INO80: variants seen among roughly 807,000 people sequenced by gnomAD.
The protein encoded by INO80 is chromatin-remodeling ATPase INO80.
INO80 carries 20 observed loss-of-function variants against 203.4 expected under a neutral mutation model. The observed-to-expected ratio is 0.10, with a 90% confidence interval of 0.07 to 0.14. The LOEUF (loss-of-function observed/expected upper bound fraction) is 0.14. INO80 is among the 10% of genes least tolerant of loss of function. The probability of loss-of-function intolerance (pLI) is 1.00; values close to 1 mark genes in which losing one functional copy is unlikely to be tolerated. For missense variants in INO80, 1,419 were observed against 1,914.4 expected (o/e 0.74, Z 4.83); for synonymous variants, 726 against 685.2 (o/e 1.06, Z -0.93).
At chr15:41,045,298 A>T (rs2044736587) in intron 23 of INO80, among the ~76,000 whole-genome samples, 1 of 152,150 alleles carries the variant, frequency 6.6e-6, no homozygotes, top group Non-Finnish European at 1.5e-5. Flanking sequence ...ATCAGTATTT[A>T]AAAAAATTTG....
chr15:41,046,084 G>A (rs1596288991), intron 23 of INO80, among the ~76,000 whole-genome samples: 1 of 150,814 alleles, frequency 6.6e-6, no homozygotes, highest in African/African-American at 2.5e-5. Context: ...TTGCCCTGTA[G>A]AAACAAGTAA....
intron 22 of INO80, among the ~76,000 whole-genome samples, chr15:41,047,934 T>A (rs943769609): frequency 1.3e-5 from 2 of 152,196 alleles, no homozygotes; most frequent in Non-Finnish European, 2.9e-5. Flanking sequence ...CAGCACCGAC[T>A]TTGTCAAGTT....
intron 1 of INO80, among the ~76,000 whole-genome samples, chr15:41,114,450 T>C (rs1479070378): frequency 6.6e-6 from 1 of 152,142 alleles, no homozygotes; most frequent in African/African-American, 2.4e-5. Flanking sequence ...GGCTCATGCC[T>C]ATAATCCCAG....
chr15:41,094,349 T>C (rs2045688530), intron 4 of INO80, among the ~76,000 whole-genome samples: 1 of 152,234 alleles, frequency 6.6e-6, no homozygotes, highest in Non-Finnish European at 1.5e-5. Flanking sequence ...CTAAGTTGTT[T>C]CTTTTCTCAG....
chr15:41,091,980 G>A (rs769793437), intron 5 of INO80, 47 bp downstream of exon 5: 3 of 1,520,750 alleles, frequency 2.0e-6, no homozygotes, highest in Non-Finnish European at 2.7e-6. Context: ...TGACTATAAA[G>A]CAGAGGGTGA....
chr15:41,021,219 G>A, intron 25 of INO80, 94 bp from the exon 26 acceptor site: 1 of 805,950 alleles, frequency 1.2e-6, no homozygotes, highest in South Asian at 1.6e-5. Flanking sequence ...GACTAATGTG[G>A]ATAGTTCTTA....
intron 16 of INO80, 148 bp downstream of exon 16, chr15:41,058,491 T>C (rs1352643201): frequency 1.3e-6 from 1 of 752,870 alleles, no homozygotes; most frequent in Non-Finnish European, 2.0e-6. Flanking sequence ...CGAGACCTTG[T>C]CTCTATTAAA....
In INO80 at chr15:41,060,035, G is replaced by C. The variant is rs797020630; in HGVS notation, c.1783-109C>G. 64 of 718,788 alleles carry C rather than the reference G, an allele frequency of 8.9e-5. No homozygotes were observed. The African/African-American group carries it at 9.9e-4, about 11-fold the overall frequency. The allele number at this position is 718,788 out of a possible 1,614,324, so 44.5% of individuals were successfully genotyped here. Reference sequence around the variant, plus strand: ...AAAAGAAACTAATAAAATGAGCATAGGAATTCCTCTCCTGCCAATGGTGGA... The same window carrying C: ...AAAAGAAACTAATAAAATGAGCATACGAATTCCTCTCCTGCCAATGGTGGA... On this transcript the variant is annotated intron_variant, in intron 14 of 35. Transcript: ENST00000648947.
rs1361967725 is a variant in INO80 at position 41,044,963 on chromosome 15, G to A, written c.2848C>T (p.Leu950Phe). 2 of 1,613,796 alleles carry A rather than the reference G, an allele frequency of 1.2e-6. No homozygotes were observed. Among genetic ancestry groups the A allele is most frequent in the African/African-American group, 2.7e-5 (2 of 74,914 alleles). The part of the protein sequence containing the change: ...HQRYLRNKDF[L>F]LGVNFPLSFP... ...GAGAGTGGAAAATTAACCCCAAGAAGGAAATCCTTGTTCCTCAGGTATCTC... is the reference window on the plus strand; with the variant it reads ...GAGAGTGGAAAATTAACCCCAAGAAAGAAATCCTTGTTCCTCAGGTATCTC... Residue 950 changes from leucine (L) to phenylalanine (F), a missense_variant, in exon 24 of 36, where the codon CTT becomes TTT. Physicochemically the swap from Leu to Phe is conservative, Grantham distance 22. Transcript: ENST00000648947.
chr15:41,102,959 C>T (rs563866917), intron 1 of INO80, among the ~76,000 whole-genome samples: 1 of 152,282 alleles, frequency 6.6e-6, no homozygotes, highest in South Asian at 2.1e-4. Flanking sequence ...TCAATTAACA[C>T]TGCTGTATGA....
intron 25 of INO80, 36 bp downstream of exon 25, chr15:41,027,560 C>T: frequency 6.5e-7 from 1 of 1,541,954 alleles, no homozygotes; most frequent in Non-Finnish European, 8.8e-7. Flanking sequence ...TCTCCTATTG[C>T]CATCTATTTC....
At chr15:41,005,191 T>TCA (rs202026877) in intron 28 of INO80, 1,992 of 92,360 alleles carry the variant, frequency 0.022, 92 homozygotes, top group Admixed American at 0.15. Flanking sequence ...AGAGACTGTC[T>TCA]CACACACACA....
At chr15:40,980,802 C>T (rs1314511536) in intron 35 of INO80, among the ~76,000 whole-genome samples, 4 of 152,146 alleles carry the variant, frequency 2.6e-5, no homozygotes, top group African/African-American at 7.2e-5. Context: ...TTTTTCCTTT[C>T]TTCTTTCTTG....
At chr15:41,061,522 C>A (rs1246193971) in intron 14 of INO80, among the ~76,000 whole-genome samples, 1 of 148,836 alleles carries the variant, frequency 6.7e-6, no homozygotes, top group East Asian at 2.0e-4. Flanking sequence ...ATTCGGGAGG[C>A]TGAGGCAGGA....
intron 35 of INO80, among the ~76,000 whole-genome samples, chr15:40,981,646 G>A (rs951197382): frequency 1.4e-4 from 21 of 152,132 alleles, no homozygotes; most frequent in African/African-American, 3.6e-4. Flanking sequence ...CTAAGCCCAC[G>A]TATTGAATGG....
chr15:40,985,544 T>C, intron 31 of INO80, 118 bp from the exon 32 acceptor site: 1 of 770,502 alleles, frequency 1.3e-6, no homozygotes, highest in Middle Eastern at 2.3e-4. Context: ...CTTCTATCTG[T>C]TTAAGGCAGA....
At position 41,028,270 on chromosome 15, in the gene INO80, C is replaced by T. The variant is rs536012950; in HGVS notation, c.2908-534G>A. ...CATGCCTCATCCTCCCGAGTAGTTG[C>T]GACTACAGGCGTGCACCACCACACC... On this transcript the variant is annotated intron_variant, in intron 24 of 35. Coordinates refer to ENST00000648947, the MANE Select transcript of INO80 (RefSeq NM_017553.3). Among the ~76,000 whole-genome samples, 43 of 152,136 alleles carry T rather than the reference C, an allele frequency of 2.8e-4. No individual in the cohort carries two copies. In the East Asian group the frequency reaches 3.7e-3, roughly 13 times the overall value.
At chr15:41,037,697 C>T (rs1184983877) in intron 24 of INO80, among the ~76,000 whole-genome samples, 1 of 151,910 alleles carries the variant, frequency 6.6e-6, no homozygotes, top group South Asian at 2.1e-4. Flanking sequence ...AATCCCAGCA[C>T]TTTGAAAGGC....
intron 14 of INO80, among the ~76,000 whole-genome samples, chr15:41,067,195 G>A (rs777447573): frequency 2.0e-5 from 3 of 152,024 alleles, no homozygotes; most frequent in Non-Finnish European, 4.4e-5. Flanking sequence ...TCCTGCCTCA[G>A]CCTCCCGAGT....
Sources: allele counts gnomAD v4.1 joint callset (sites outside exome capture counted in the v4.1 genomes callset), GRCh38; gene constraint gnomAD v4.1.1; transcripts MANE v1.5; gene names NCBI Gene and HGNC (gene_info 2026-07-23, HGNC 2026-07-21).